The following SGCZ variants were observed in gnomAD, a reference collection of about 807,000 sequenced individuals.
The protein encoded by SGCZ is zeta-sarcoglycan.
SGCZ carries 40 observed loss-of-function variants against 41.3 expected under a neutral mutation model. That is an observed-to-expected ratio of 0.97 (90% CI 0.75 to 1.26). The LOEUF is 1.26. Ranked by LOEUF, SGCZ falls within the 50% of genes most tolerant of loss-of-function variation. The pLI, the probability that SGCZ is intolerant of heterozygous loss-of-function variation, is 0.00. For synonymous variants in SGCZ, 206 were observed against 137.5 expected (o/e 1.50, Z -3.49); for missense variants, 552 against 369.8 (o/e 1.49, Z -4.04).
In SGCZ at chr8:14,477,870, A is replaced by G. The variant is rs1447001557; in HGVS notation, c.234+76862T>C. 2.0e-5 allele frequency among the ~76,000 whole-genome samples: 3 copies of G among 152,158 alleles called. No individual in the cohort carries two copies. In the East Asian group the frequency reaches 5.8e-4, roughly 29 times the overall value. On this transcript the variant is annotated intron_variant, in intron 2 of 7. Coordinates refer to ENST00000382080, the MANE Select transcript of SGCZ (RefSeq NM_139167.4). ...CTTAATATCACTCCTTGGTCCTGTC[A>G]CCTTCAGCTCTCAATATACAGTTAA...
At chr8:14,854,548 T>G (rs1034259932) in intron 1 of SGCZ, among the ~76,000 whole-genome samples, 5 of 152,180 alleles carry the variant, frequency 3.3e-5, no homozygotes, top group African/African-American at 1.2e-4. Context: ...AATATTGTTT[T>G]CATAATAGGA....
chr8:14,374,493 G>T (rs937261229), intron 2 of SGCZ, among the ~76,000 whole-genome samples: 3 of 152,144 alleles, frequency 2.0e-5, no homozygotes, highest in Non-Finnish European at 4.4e-5. Flanking sequence ...AGTGAAATAA[G>T]AATGGTCATC....
At chr8:15,091,943 G>A (rs543004824) in intron 1 of SGCZ, among the ~76,000 whole-genome samples, 120 of 152,032 alleles carry the variant, frequency 7.9e-4, no homozygotes, top group African/African-American at 2.8e-3. Flanking sequence ...TTGTAGAGAC[G>A]GGGTTTCACT....
At chr8:14,688,635 T>C (rs1158794176) in intron 1 of SGCZ, among the ~76,000 whole-genome samples, 1 of 152,146 alleles carries the variant, frequency 6.6e-6, no homozygotes, top group Non-Finnish European at 1.5e-5. Flanking sequence ...GCGTGACGCC[T>C]CCAGCATTGT....
At chr8:14,257,030 C>T (rs911032462) in intron 3 of SGCZ, among the ~76,000 whole-genome samples, 1 of 151,954 alleles carries the variant, frequency 6.6e-6, no homozygotes, top group Admixed American at 6.6e-5. Flanking sequence ...CAATATTAAG[C>T]TAGATTGAAC....
chr8:14,489,804 T>C (rs540632138), intron 2 of SGCZ, among the ~76,000 whole-genome samples: 16 of 151,898 alleles, frequency 1.1e-4, no homozygotes, highest in Non-Finnish European at 2.1e-4. Flanking sequence ...CTAATCACAT[T>C]GACTAACCTC....
intron 5 of SGCZ, among the ~76,000 whole-genome samples, chr8:14,141,448 A>G (rs886193509): frequency 6.6e-6 from 1 of 152,234 alleles, no homozygotes; most frequent in Admixed American, 6.5e-5. Context: ...CAGAATCTAC[A>G]AAGAACTTAA....
intron 1 of SGCZ, among the ~76,000 whole-genome samples, chr8:14,745,926 A>T (rs1008925851): frequency 1.3e-5 from 2 of 152,070 alleles, no homozygotes; most frequent in African/African-American, 2.4e-5. Context: ...TAAAAGACTT[A>T]TGCTTACATT....
chr8:15,134,715 C>T (rs1332473932), intron 1 of SGCZ, among the ~76,000 whole-genome samples: 2 of 152,174 alleles, frequency 1.3e-5, no homozygotes, highest in African/African-American at 4.8e-5. Flanking sequence ...TCCTATGACA[C>T]ACTTGTGTTT....
At chr8:14,684,763 A>C (rs1392783426) in intron 1 of SGCZ, among the ~76,000 whole-genome samples, 1 of 151,918 alleles carries the variant, frequency 6.6e-6, no homozygotes, top group Non-Finnish European at 1.5e-5. Flanking sequence ...AATTGCTGCA[A>C]AGAAGTCTTT....
intron 1 of SGCZ, among the ~76,000 whole-genome samples, chr8:15,107,074 G>A (rs1051181718): frequency 6.6e-6 from 1 of 151,902 alleles, no homozygotes; most frequent in Admixed American, 6.6e-5. Flanking sequence ...TATAATCAGG[G>A]TATATTATTT....
intron 1 of SGCZ, among the ~76,000 whole-genome samples, chr8:14,570,368 T>C (rs1804513901): frequency 6.6e-6 from 1 of 152,210 alleles, no homozygotes; most frequent in South Asian, 2.1e-4. Context: ...AGTCAGAGGA[T>C]GGAGTTAATG....
rs149791782 is a variant in SGCZ at position 14,680,907 on chromosome 8, C to T, written c.40-125981G>A. ...ACACTCAGAAGAAAACATTAGTGAACTTGAAAATATGGCAACTTGAAGAAT... is the reference window on the plus strand; with the variant it reads ...ACACTCAGAAGAAAACATTAGTGAATTTGAAAATATGGCAACTTGAAGAAT... On this transcript the variant is annotated intron_variant, in intron 1 of 7. Transcript: ENST00000382080. 1.7e-4 allele frequency among the ~76,000 whole-genome samples: 22 copies of T among 125,744 alleles called. No individual in the cohort carries two copies. The East Asian group carries it at 4.7e-3, about 27-fold the overall frequency. The allele number at this position is 125,744 out of a possible 152,430, so 82.5% of individuals were successfully genotyped here.
At chr8:14,120,946 A>C (rs2117034870) in intron 5 of SGCZ, among the ~76,000 whole-genome samples, 1 of 152,242 alleles carries the variant, frequency 6.6e-6, no homozygotes, top group African/African-American at 2.4e-5. Context: ...TCTCTATAGA[A>C]GAATATCAGG....
rs116690047 is a variant in SGCZ, at chr8:14,698,984, G to A, written c.40-144058C>T. Among the ~76,000 whole-genome samples the A allele has an allele frequency of 8.7e-3, 1,306 of 150,854 alleles. 18 individuals are homozygous for A. Among genetic ancestry groups the A allele is most frequent in the Middle Eastern group, 0.031 (9 of 292 alleles). On this transcript the variant is annotated intron_variant, in intron 1 of 7. Transcript: ENST00000382080. ...GTATATAAGATACGAAATAAAATAC[G>A]GTAATAAACTATGATAAAAGTTAGA...
At chr8:14,918,276 G>C (rs1482868789) in intron 1 of SGCZ, among the ~76,000 whole-genome samples, 1 of 152,008 alleles carries the variant, frequency 6.6e-6, no homozygotes, top group Non-Finnish European at 1.5e-5. Flanking sequence ...TACACTTGTT[G>C]ACCTCATCCT....
chr8:14,244,356 TG>T (rs1799005789), intron 3 of SGCZ, among the ~76,000 whole-genome samples: 1 of 152,190 alleles, frequency 6.6e-6, no homozygotes, highest in Admixed American at 6.6e-5. Flanking sequence ...TATTATTTAA[TG>T]GTTATTCATC....
Position 14,324,022 on chromosome 8 carries a change from G to C in SGCZ, c.336+81C>G, listed in dbSNP as rs552281043. On this transcript the variant is annotated intron_variant, in intron 3 of 7. Coordinates refer to ENST00000382080, the MANE Select transcript of SGCZ (RefSeq NM_139167.4). ...AACTAAACACATGCTGAAGAGATAA[G>C]GGGATTCTACCCTGCTATTTCAAGC... 1.2e-3 allele frequency: 1,053 copies of C among 868,862 alleles called. 11 individuals are homozygous for C. In the African/African-American group the frequency reaches 0.013, roughly 11 times the overall value. The allele number at this position is 868,862 out of a possible 1,614,324, so 53.8% of individuals were successfully genotyped here.
intron 1 of SGCZ, among the ~76,000 whole-genome samples, chr8:14,671,614 G>A (rs952340494): frequency 2.0e-5 from 3 of 152,070 alleles, no homozygotes; most frequent in Admixed American, 6.6e-5. Flanking sequence ...GAAAGAATAT[G>A]ATTAAGAAAG....
Sources: gnomAD v4.1 joint callset for allele counts (sites outside exome capture counted in the v4.1 genomes callset) on GRCh38, gnomAD v4.1.1 for gene constraint, MANE v1.5 for transcripts, NCBI Gene and HGNC (gene_info 2026-07-23, HGNC 2026-07-21) for gene names.